The following GRHL2 variants were observed in gnomAD, a reference collection of about 807,000 sequenced individuals.
The protein encoded by GRHL2 is grainyhead like transcription factor 2, also known as grainyhead-like protein 2 homolog.
A neutral mutation model predicts 83.8 loss-of-function variants in GRHL2; 21 were observed. The ratio of observed to expected loss-of-function variants is 0.25; its 90% confidence interval spans 0.18 to 0.36. GRHL2 has a LOEUF of 0.36. GRHL2 is among the 10% of genes least tolerant of loss of function. GRHL2 has a pLI of 1.00. For missense variants in GRHL2, 623 were observed against 781.8 expected (o/e 0.80, Z 2.42); for synonymous variants, 280 against 278.9 (o/e 1.00, Z -0.04).
intron 11 of GRHL2, among the ~76,000 whole-genome samples, chr8:101,632,762 G>C (rs1462364587): frequency 6.6e-6 from 1 of 152,142 alleles, no homozygotes; most frequent in African/African-American, 2.4e-5. Flanking sequence ...GGAAGTCTCC[G>C]CTTAAATAAA....
At chr8:101,639,041 T>C (rs145605719) in intron 12 of GRHL2, among the ~76,000 whole-genome samples, 1 of 152,338 alleles carries the variant, frequency 6.6e-6, no homozygotes, top group East Asian at 1.9e-4. Flanking sequence ...AAACTTAGTA[T>C]TATGAGTGAG....
At chr8:101,514,143 A>T (rs1420421961) in intron 1 of GRHL2, among the ~76,000 whole-genome samples, 1 of 152,044 alleles carries the variant, frequency 6.6e-6, no homozygotes. Context: ...ACACACATAC[A>T]CATACATTTA....
intron 9 of GRHL2, among the ~76,000 whole-genome samples, chr8:101,620,124 G>C (rs1291865644): frequency 6.6e-6 from 1 of 152,088 alleles, no homozygotes; most frequent in Non-Finnish European, 1.5e-5. Context: ...TCCTCACATG[G>C]CATAGAGAGA....
At chr8:101,676,493 C>T in the GRHL2 span, among the ~76,000 whole-genome samples, 2 of 152,128 alleles carry the variant, frequency 1.3e-5, no homozygotes, top group Non-Finnish European at 2.9e-5. Flanking sequence ...GAGAAATGCA[C>T]ATCAAAACCA....
At chr8:101,561,064 G>A (rs1016930138) in intron 4 of GRHL2, among the ~76,000 whole-genome samples, 5 of 151,460 alleles carry the variant, frequency 3.3e-5, no homozygotes, top group Non-Finnish European at 7.4e-5. Flanking sequence ...CTAACCCAAT[G>A]TCACAAACTT....
At chr8:101,670,609 G>A (rs1443350173), downstream of GRHL2, among the ~76,000 whole-genome samples, 1 of 152,186 alleles carries the variant, frequency 6.6e-6, no homozygotes, top group African/African-American at 2.4e-5. Context: ...GGAGGTCTTG[G>A]TGCTCTCCCC....
chr8:101,630,262 C>T (rs1813159397), intron 9 of GRHL2, among the ~76,000 whole-genome samples: 1 of 152,092 alleles, frequency 6.6e-6, no homozygotes, highest in Non-Finnish European at 1.5e-5. Flanking sequence ...TGGGAATCTG[C>T]TTTTCTACAA....
At chr8:101,627,400 C>T (rs1282536654) in intron 9 of GRHL2, among the ~76,000 whole-genome samples, 1 of 151,956 alleles carries the variant, frequency 6.6e-6, no homozygotes, top group East Asian at 1.9e-4. Context: ...TGTTTTGGGG[C>T]ACCTCCAACT....
Position 101,636,920 on chromosome 8 carries a change from A to G in GRHL2, c.1509A>G (p.Glu503=), listed in dbSNP as rs762002216. 8 of 1,613,726 alleles carry G rather than the reference A, an allele frequency of 5.0e-6. No homozygotes were observed. The highest frequency in any genetic ancestry group is 6.8e-6 in the Non-Finnish European group (8 of 1,179,628). The change falls in exon 12 of 16, where the codon GAA becomes GAG. Residue 503 remains glutamate, a synonymous_variant. Coordinates refer to ENST00000646743, the MANE Select transcript of GRHL2 (RefSeq NM_024915.4). ...TGQVYYNTDD[E]REGGSVLVKR... ...AGGTGTATTACAACACGGATGATGA[A>G]CGAGAAGGGTAAGACACTCAGTTCT...
chr8:101,522,380 G>T (rs1024317916), intron 1 of GRHL2, among the ~76,000 whole-genome samples: 2 of 152,110 alleles, frequency 1.3e-5, no homozygotes, highest in African/African-American at 4.8e-5. Context: ...ATCTAGAGGT[G>T]ATCTAAAGTA....
chr8:101,648,727 A>G lies in GRHL2; in HGVS notation c.1613-687A>G, dbSNP rs191205661. Among the ~76,000 whole-genome samples the G allele has an allele frequency of 5.9e-5, 9 of 152,112 alleles. No individual in the cohort carries two copies. The East Asian group carries it at 1.7e-3, about 29-fold the overall frequency. On this transcript the variant is annotated intron_variant, in intron 13 of 15. Coordinates refer to ENST00000646743, the MANE Select transcript of GRHL2 (RefSeq NM_024915.4). Reference sequence around the variant, plus strand: ...CCTCCCAGGCCTGTGCAAGTTTGTTATCTGCCTGGAGTTTGCTCTCCCTCT... The same window carrying G: ...CCTCCCAGGCCTGTGCAAGTTTGTTGTCTGCCTGGAGTTTGCTCTCCCTCT...
At position 101,654,311 on chromosome 8, in the gene GRHL2, T is replaced by G. The variant is rs182913570; in HGVS notation, c.1698+4812T>G. ...GGACTAATTATTGAAAGGTTGATTG[T>G]GCCTCAACTTCCTTATCTATAAAAT... is the stretch of plus-strand genomic sequence containing the variant. On this transcript the variant is annotated intron_variant, in intron 14 of 15. Transcript: ENST00000646743. 2.2e-4 allele frequency among the ~76,000 whole-genome samples: 34 copies of G among 152,368 alleles called. No individual in the cohort carries two copies. In the South Asian group the frequency reaches 3.9e-3, roughly 18 times the overall value.
At chr8:101,656,999 A>G (rs892575541) in intron 14 of GRHL2, among the ~76,000 whole-genome samples, 1 of 152,130 alleles carries the variant, frequency 6.6e-6, no homozygotes, top group Non-Finnish European at 1.5e-5. Flanking sequence ...GTTCTCTCTC[A>G]ATGAAGCTAG....
intron 1 of GRHL2, among the ~76,000 whole-genome samples, chr8:101,533,914 T>TG (rs2130091651): frequency 6.6e-6 from 1 of 152,238 alleles, no homozygotes; most frequent in East Asian, 1.9e-4. Context: ...CCCATGATCC[T>TG]GGGGGACCTG....
intron 1 of GRHL2, among the ~76,000 whole-genome samples, chr8:101,509,209 TTGTGTGTGTG>T (rs59898617): frequency 7.8e-4 from 42 of 53,786 alleles, no homozygotes; most frequent in African/African-American, 1.7e-3. Context: ...TTCTTTCTTC[TTGTGTGTGTG>T]TGTGTGTGTG....
Position 101,577,417 on chromosome 8 carries a change from A to G in GRHL2, c.901A>G (p.Met301Val). 1 of 1,608,308 alleles carries G rather than the reference A, an allele frequency of 6.2e-7. No individual in the cohort carries two copies. Among genetic ancestry groups the G allele is most frequent in the Admixed American group, 1.7e-5 (1 of 60,016 alleles). The change falls in exon 7 of 16, where the codon ATG becomes GTG. Residue 301 changes from methionine to valine, a missense_variant. Physicochemically the swap from Met to Val is conservative, Grantham distance 21. Coordinates refer to ENST00000646743, the MANE Select transcript of GRHL2 (RefSeq NM_024915.4). ...HPISKVRSVV[M>V]VVFSEDKNRD... ...ATTCTCCCCTCTGCAGAGTGTGGTGATGGTGGTCTTCAGTGAAGACAAAAA... is the reference window on the plus strand; with the variant it reads ...ATTCTCCCCTCTGCAGAGTGTGGTGGTGGTGGTCTTCAGTGAAGACAAAAA...
intron 4 of GRHL2, 80 bp downstream of exon 4, chr8:101,558,892 T>C (rs932782317): frequency 1.4e-6 from 2 of 1,464,220 alleles, no homozygotes; most frequent in African/African-American, 2.8e-5. Context: ...TTTCAAAGTG[T>C]GATAAATGAA....
In GRHL2 at chr8:101,573,867, G is replaced by A. The variant is rs538776409; in HGVS notation, c.891+43G>A. The A allele has an allele frequency of 1.0e-5, 16 of 1,601,494 alleles. No homozygotes were observed. In the South Asian group the frequency reaches 1.8e-4, roughly 18 times the overall value. ...CAGATAAAGTACAAAGGAATCCGAT[G>A]AACGGAATGGCTACCTCACAGCCTT... is the stretch of plus-strand genomic sequence containing the variant. On this transcript the variant is annotated intron_variant, in intron 6 of 15. Transcript: ENST00000646743.
At position 101,558,416 on chromosome 8, in the gene GRHL2, C is replaced by T. The variant is rs1811531355; in HGVS notation, c.285-3C>T. 1.2e-6 allele frequency: 2 copies of T among 1,613,976 alleles called. No homozygotes were observed. The highest frequency in any genetic ancestry group is 1.7e-6 in the Non-Finnish European group (2 of 1,180,022). On this transcript the variant is annotated splice_region_variant and splice_polypyrimidine_tract_variant and intron_variant, in intron 3 of 15. Transcript: ENST00000646743. ...TCATGTTGCGGGGGGTTTCAACACA[C>T]AGAAACTGCCTTGGCACCAGTGAAG...
Sources: allele counts gnomAD v4.1 joint callset (sites outside exome capture counted in the v4.1 genomes callset), GRCh38; gene constraint gnomAD v4.1.1; transcripts MANE v1.5; gene names NCBI Gene and HGNC (gene_info 2026-07-23, HGNC 2026-07-21).